The following ABCB11 variants were observed in gnomAD, a reference collection of about 807,000 sequenced individuals.
The protein encoded by ABCB11 is ATP binding cassette subfamily B member 11, also known as bile salt export pump.
A neutral mutation model predicts 148.0 loss-of-function variants in ABCB11; 95 were observed. The ratio of observed to expected loss-of-function variants is 0.64; its 90% CI spans 0.54 to 0.76. ABCB11 has a LOEUF of 0.76. ABCB11 is among the 30% of genes least tolerant of loss of function. ABCB11 has a pLI of 0.00. For missense variants in ABCB11, 1,523 were observed against 1,617.8 expected, an observed-to-expected ratio of 0.94 and a Z score of 1.01; for synonymous variants, 591 against 555.4, an observed-to-expected ratio of 1.06 and a Z score of -0.90.
intron 9 of ABCB11, among the ~76,000 whole-genome samples, chr2:168,990,577 A>G (rs1694480824): frequency 6.6e-6 from 1 of 152,118 alleles, no homozygotes; most frequent in Non-Finnish European, 1.5e-5. Context: ...CTTTCTAAAA[A>G]TTGCCAACTG....
intron 10 of ABCB11, among the ~76,000 whole-genome samples, chr2:168,982,700 A>G (rs962578290): frequency 3.3e-5 from 5 of 152,130 alleles, no homozygotes; most frequent in Non-Finnish European, 1.5e-5. Context: ...TTGTGGATTA[A>G]AACACTCAAC....
chr2:168,979,683 A>C (rs1158311927), intron 11 of ABCB11, among the ~76,000 whole-genome samples, 183 bp downstream of exon 11: 1 of 42,598 alleles, frequency 2.3e-5, no homozygotes. Context: ...AAAAAAAAAA[A>C]AAAAAAAAAA....
intron 23 of ABCB11, among the ~76,000 whole-genome samples, chr2:168,934,506 G>A (rs1010164091): frequency 1.3e-5 from 2 of 152,146 alleles, no homozygotes; most frequent in Non-Finnish European, 2.9e-5. Flanking sequence ...TATTAGAAAA[G>A]CAGGCTTTGG....
rs1558898919 is a variant in ABCB11 at position 168,973,788 on chromosome 2, A to G, written c.1361T>C (p.Val454Ala). ...ACTTTTTCCAGCTCCACTGGGTCCT[A>G]CCAGAGCTGTCATTTCCCCTGGTTT... ...VIKPGEMTALVGPSGAGKSTA... is the reference protein window; with the variant it reads ...VIKPGEMTALAGPSGAGKSTA... Residue 454 changes from valine (V) to alanine (A), a missense_variant, in exon 13 of 28, where the codon GTA becomes GCA. By Grantham distance (64) the Val-to-Ala change is moderately conservative. Coordinates refer to ENST00000650372, the MANE Select transcript of ABCB11 (RefSeq NM_003742.4). 6.2e-7 allele frequency: 1 copy of G among 1,612,030 alleles called. No homozygotes were observed. The highest frequency in any genetic ancestry group is 1.3e-5 in the African/African-American group (1 of 74,792).
At chr2:168,926,132 A>G (rs974490703) in intron 26 of ABCB11, among the ~76,000 whole-genome samples, 3 of 152,220 alleles carry the variant, frequency 2.0e-5, no homozygotes, top group Non-Finnish European at 4.4e-5. Flanking sequence ...TAAGTAGAGA[A>G]GGTTAAAGGT....
intron 18 of ABCB11, among the ~76,000 whole-genome samples, chr2:168,963,971 G>A (rs555128104): frequency 2.2e-4 from 33 of 151,830 alleles, no homozygotes; most frequent in African/African-American, 6.7e-4. Flanking sequence ...TTAACCCTCC[G>A]AAGTCCAGTT....
At chr2:168,935,505 G>C in intron 22 of ABCB11, 80 bp from the exon 23 acceptor site, 1 of 1,516,954 alleles carries the variant, frequency 6.6e-7, no homozygotes, top group South Asian at 1.3e-5. Context: ...GCCTGGATTA[G>C]ATGGTGCAAA....
intron 18 of ABCB11, among the ~76,000 whole-genome samples, chr2:168,959,041 A>T (rs1429026213): frequency 1.3e-5 from 2 of 151,834 alleles, no homozygotes; most frequent in South Asian, 2.1e-4. Flanking sequence ...TTTCATTAAC[A>T]CAGTAATTTA....
At position 168,935,218 on chromosome 2, in the gene ABCB11, A is replaced by C; in HGVS notation, c.3022T>G (p.Ser1008Ala). The C allele has an allele frequency of 6.2e-7, 1 of 1,613,948 alleles. No homozygotes were observed. The highest frequency in any genetic ancestry group is 2.2e-5 in the East Asian group (1 of 44,882). ...ASYRYGGYLI[S>A]NEGLHFSYVF... ...TAGCTGAAATGGAGCCCCTCATTGG[A>C]GATTAAGTAACCTCCATATCTGTAG... The change falls in exon 23 of 28, where the codon TCC becomes GCC. Residue 1008 changes from serine to alanine, a missense_variant. Ser to Ala is a moderately conservative substitution (Grantham distance 99, BLOSUM62 1). Transcript: ENST00000650372.
rs187464616 is a variant in ABCB11 at position 168,996,813 on chromosome 2, T to A, written c.390-91A>T. 6,991 of 350,230 alleles carry A rather than the reference T, an allele frequency of 0.02. 474 individuals carry two copies. The highest frequency in any genetic ancestry group is 0.14 in the African/African-American group (6,324 of 45,408). 21.7% of individuals were successfully genotyped at this position (350,230 alleles called of 1,614,324 possible). On this transcript the variant is annotated intron_variant, in intron 5 of 27. Transcript: ENST00000650372. The stretch of plus-strand genomic sequence containing the variant: ...TGGATATAGAGGGATTTAAAAAATA[T>A]ATATATTTTAAATATATATATAATA...
chr2:169,005,319 G>A (rs1285780929), intron 5 of ABCB11, among the ~76,000 whole-genome samples: 2 of 152,064 alleles, frequency 1.3e-5, no homozygotes, highest in Admixed American at 1.3e-4. Context: ...CACCATGTAG[G>A]GGCAGGGATA....
intron 6 of ABCB11, 57 bp downstream of exon 6, chr2:168,996,578 T>A (rs1367134964): frequency 2.7e-5 from 28 of 1,030,010 alleles, no homozygotes; most frequent in Non-Finnish European, 3.8e-5. Flanking sequence ...TTGCATCTCA[T>A]TGTAGTGTCT....
rs1394733194 is a variant in ABCB11 at position 169,013,319 on chromosome 2, C to G, written c.342G>C (p.Trp114Cys). Residue 114 changes from tryptophan to cysteine, a missense_variant, in exon 5 of 28, where the codon TGG becomes TGC. Physicochemically the swap from Trp to Cys is radical, Grantham distance 215. Transcript: ENST00000650372. The part of the protein sequence containing the change: ...GKACVNNTIV[W>C]TNSSLNQNMT... ...TGTTCTGGTTGAGGGAACTGTTAGT[C>G]CATACAATGGTGTTATTCACACATG... The G allele has an allele frequency of 6.2e-6, 10 of 1,613,708 alleles. No homozygotes were observed. The highest frequency in any genetic ancestry group is 8.5e-6 in the Non-Finnish European group (10 of 1,179,726).
chr2:169,030,230 CA>C (rs963681250), intron 1 of ABCB11, among the ~76,000 whole-genome samples: 3 of 151,978 alleles, frequency 2.0e-5, no homozygotes, highest in Non-Finnish European at 4.4e-5. Context: ...TACTAGGAAA[CA>C]AAAATTATTC....
Position 168,945,996 on chromosome 2 carries a change from T to A in ABCB11, c.2344-1035A>T, listed in dbSNP as rs1411194809. 2.0e-5 allele frequency among the ~76,000 whole-genome samples: 3 copies of A among 151,850 alleles called. No homozygotes were observed. The East Asian group carries it at 5.8e-4, about 29-fold the overall frequency. Reference sequence around the variant, plus strand: ...AGTGGGAGTTTTTAGTGTATAATGCTTAGTAAACTACACTCAAACGTATTC... The same window carrying A: ...AGTGGGAGTTTTTAGTGTATAATGCATAGTAAACTACACTCAAACGTATTC... On this transcript the variant is annotated intron_variant, in intron 19 of 27. Coordinates refer to ENST00000650372, the MANE Select transcript of ABCB11 (RefSeq NM_003742.4).
chr2:168,957,929 T>G (rs751755434), intron 19 of ABCB11, 35 bp downstream of exon 19: 2 of 1,464,008 alleles, frequency 1.4e-6, no homozygotes, highest in South Asian at 3.0e-5. Context: ...ATAAAAGGTA[T>G]GAGAAGAAGA....
At chr2:168,932,899 G>A (rs1237481536) in intron 23 of ABCB11, among the ~76,000 whole-genome samples, 1 of 152,050 alleles carries the variant, frequency 6.6e-6, no homozygotes, top group African/African-American at 2.4e-5. Context: ...CACGAGGTCA[G>A]AAGATCGAGA....
chr2:168,922,505 T>G lies in ABCB11; in HGVS notation c.*1117A>C, dbSNP rs891736262. On this transcript the variant is annotated 3_prime_UTR_variant, in exon 28 of 28. Coordinates refer to ENST00000650372, the MANE Select transcript of ABCB11 (RefSeq NM_003742.4). ...AGAAGGATCCAGTGTTTTTACATCT[T>G]GAAACTTTCTAGGGGTCTGTGGTAC... Among the ~76,000 whole-genome samples, 1 of 152,202 alleles carries G rather than the reference T, an allele frequency of 6.6e-6. No individual in the cohort carries two copies. Among genetic ancestry groups the G allele is most frequent in the Non-Finnish European group, 1.5e-5 (1 of 68,032 alleles).
intron 9 of ABCB11, among the ~76,000 whole-genome samples, chr2:168,990,406 T>C (rs1234737684): frequency 1.3e-5 from 2 of 152,150 alleles, no homozygotes; most frequent in Non-Finnish European, 2.9e-5. Flanking sequence ...CGTTTGTTTT[T>C]AGTAATCTCT....
Sources: gnomAD v4.1 joint callset for allele counts (sites outside exome capture counted in the v4.1 genomes callset) on GRCh38, gnomAD v4.1.1 for gene constraint, MANE v1.5 for transcripts, NCBI Gene and HGNC (gene_info 2026-07-23, HGNC 2026-07-21) for gene names.